The following EPB41L5 variants were observed in gnomAD, a reference collection of about 807,000 sequenced individuals.
The protein encoded by EPB41L5 is erythrocyte membrane protein band 4.1 like 5.
In EPB41L5, 55 loss-of-function variants were observed where a neutral mutation model predicts 106.6. The ratio of observed to expected loss-of-function variants is 0.52; its 90% CI spans 0.42 to 0.65. EPB41L5 has a LOEUF of 0.65. EPB41L5 is among the 30% of genes least tolerant of loss of function. The pLI is 0.00. For missense variants in EPB41L5, 871 were observed against 882.1 expected (o/e 0.99, Z 0.16); for synonymous variants, 297 against 306.7 (o/e 0.97, Z 0.33).
intron 21 of EPB41L5, among the ~76,000 whole-genome samples, chr2:120,161,638 T>A (rs1687144327): frequency 6.6e-6 from 1 of 152,190 alleles, no homozygotes; most frequent in South Asian, 2.1e-4. Flanking sequence ...TCATTTACTC[T>A]AGGGCATGGG....
At chr2:120,151,798 G>A (rs1167364423) in intron 20 of EPB41L5, among the ~76,000 whole-genome samples, 5 of 150,870 alleles carry the variant, frequency 3.3e-5, no homozygotes, top group Non-Finnish European at 7.4e-5. Context: ...TGTATTTTTA[G>A]TAGAGATGGG....
chr2:120,090,555 T>A, intron 12 of EPB41L5, 39 bp downstream of exon 12: 1 of 1,564,212 alleles, frequency 6.4e-7, no homozygotes. Flanking sequence ...TTTCATTGCA[T>A]ACAGGCCAAA....
At position 120,100,279 on chromosome 2, in the gene EPB41L5, C is replaced by G. The variant is rs138668099; in HGVS notation, c.1214C>G (p.Ser405Cys). Reference protein sequence around the residue: ...HNNVSTQSNGSQQAWGMRSAL... With the variant: ...HNNVSTQSNGCQQAWGMRSAL... Reference sequence around the variant, plus strand: ...AATGTTTCGACCCAAAGTAATGGCTCCCAACAGGTAAGACAATACTAAGCT... The same window carrying G: ...AATGTTTCGACCCAAAGTAATGGCTGCCAACAGGTAAGACAATACTAAGCT... Residue 405 changes from serine to cysteine, a missense_variant, in exon 15 of 25, where the codon TCC becomes TGC. By Grantham distance (112) the Ser-to-Cys change is moderately radical (BLOSUM62 -1). Coordinates refer to ENST00000263713, the MANE Select transcript of EPB41L5 (RefSeq NM_020909.4). 90 of 1,612,918 alleles carry G rather than the reference C, an allele frequency of 5.6e-5. No homozygotes were observed. The highest frequency in any genetic ancestry group is 7.2e-5 in the Non-Finnish European group (85 of 1,179,350).
intron 3 of EPB41L5, among the ~76,000 whole-genome samples, chr2:120,065,953 A>G (rs1681416722): frequency 6.6e-6 from 1 of 152,158 alleles, no homozygotes; most frequent in South Asian, 2.1e-4. Context: ...CTGCCAACAC[A>G]CATGTGTGTG....
At chr2:120,127,577 G>T in intron 16 of EPB41L5, 111 bp from the exon 17 acceptor site, 8 of 779,082 alleles carry the variant, frequency 1.0e-5, no homozygotes, top group South Asian at 5.6e-5. Context: ...TTGATTCATG[G>T]TTGCTTGAAT....
At chr2:120,082,030 A>G (rs1682707083) in intron 10 of EPB41L5, among the ~76,000 whole-genome samples, 1 of 152,196 alleles carries the variant, frequency 6.6e-6, no homozygotes, top group Non-Finnish European at 1.5e-5. Flanking sequence ...GGGGTTTTCT[A>G]AATATACAAT....
intron 3 of EPB41L5, among the ~76,000 whole-genome samples, chr2:120,043,895 C>T (rs1454663312): frequency 6.6e-6 from 1 of 151,478 alleles, no homozygotes; most frequent in Admixed American, 6.6e-5. Context: ...GCCTATAATC[C>T]CAGCACTTTG....
chr2:120,015,633 A>C (rs1053323011), intron 1 of EPB41L5, among the ~76,000 whole-genome samples: 2 of 151,850 alleles, frequency 1.3e-5, no homozygotes, highest in Non-Finnish European at 2.9e-5. Context: ...TAAGTCAACT[A>C]TTTATTTAAA....
At chr2:120,056,122 G>A (rs927800102) in intron 3 of EPB41L5, among the ~76,000 whole-genome samples, 4 of 151,976 alleles carry the variant, frequency 2.6e-5, no homozygotes, top group Admixed American at 1.3e-4. Context: ...TTCCTAGTTC[G>A]TTGATGCTTT....
chr2:120,025,754 C>T (rs7420906), intron 2 of EPB41L5, among the ~76,000 whole-genome samples: 2 of 152,132 alleles, frequency 1.3e-5, no homozygotes, highest in Non-Finnish European at 2.9e-5. Flanking sequence ...ATGAGAATTC[C>T]AGCTGACCTA....
chr2:120,041,603 G>A (rs1331586299), intron 2 of EPB41L5, among the ~76,000 whole-genome samples: 1 of 152,078 alleles, frequency 6.6e-6, no homozygotes. Flanking sequence ...GTTTGCAAGT[G>A]TAGTTTCACA....
intron 16 of EPB41L5, among the ~76,000 whole-genome samples, chr2:120,118,569 TG>T (rs1235694655): frequency 6.6e-6 from 1 of 152,142 alleles, no homozygotes; most frequent in African/African-American, 2.4e-5. Context: ...TCCGTGTGTT[TG>T]CATCATTCAG....
At chr2:120,035,626 C>G in intron 2 of EPB41L5, among the ~76,000 whole-genome samples, 1 of 152,124 alleles carries the variant, frequency 6.6e-6, no homozygotes. Flanking sequence ...AGTCTTCACA[C>G]CTGTGAATAG....
At chr2:120,149,885 C>T (rs1686590211) in intron 20 of EPB41L5, among the ~76,000 whole-genome samples, 1 of 144,314 alleles carries the variant, frequency 6.9e-6, no homozygotes, top group Non-Finnish European at 1.5e-5. Context: ...CATGGTATTT[C>T]ACTGTACTTT....
intron 1 of EPB41L5, among the ~76,000 whole-genome samples, chr2:120,018,269 T>C (rs1212672213): frequency 3.9e-5 from 6 of 152,018 alleles, no homozygotes. Context: ...GCCCGGCCAC[T>C]TCTCAGAATT....
chr2:120,048,762 A>C (rs1163604978), intron 3 of EPB41L5, among the ~76,000 whole-genome samples: 7 of 151,800 alleles, frequency 4.6e-5, no homozygotes, highest in African/African-American at 9.7e-5. Context: ...AGTTTTAGAT[A>C]TTTCCTGCTT....
chr2:120,154,881 G>A (rs1197742432), intron 20 of EPB41L5, among the ~76,000 whole-genome samples: 7 of 152,064 alleles, frequency 4.6e-5, no homozygotes, highest in East Asian at 3.9e-4. Flanking sequence ...AGCCGAGATC[G>A]TGCCACTGCA....
At chr2:120,104,840 A>G (rs1574677892) in intron 16 of EPB41L5, 3 of 966,188 alleles carry the variant, frequency 3.1e-6, no homozygotes, top group African/African-American at 3.5e-5. Context: ...TAGAGATCAC[A>G]TTAATAATGT....
At chr2:120,097,644 G>T (rs1232470339) in intron 14 of EPB41L5, among the ~76,000 whole-genome samples, 2 of 151,978 alleles carry the variant, frequency 1.3e-5, no homozygotes, top group African/African-American at 4.8e-5. Context: ...CTTGAAGACA[G>T]GAAAGAGGAA....
Sources: gnomAD v4.1 joint callset for allele counts (sites outside exome capture counted in the v4.1 genomes callset) on GRCh38, gnomAD v4.1.1 for gene constraint, MANE v1.5 for transcripts, NCBI Gene and HGNC (gene_info 2026-07-23, HGNC 2026-07-21) for gene names.